CHODL: variants seen among roughly 807,000 people sequenced by gnomAD.
The protein encoded by CHODL is transmembrane protein MT75.
In CHODL, 29 loss-of-function variants were observed where a neutral mutation model predicts 34.5. The ratio of observed to expected loss-of-function variants is 0.84; its 90% CI spans 0.63 to 1.15. The LOEUF (loss-of-function observed/expected upper bound fraction) is 1.15, where lower values mean the gene tolerates loss of function less well. Among genes scored for constraint, CHODL ranks in the 50% most tolerant of loss-of-function variants. The probability of loss-of-function intolerance (pLI) is 0.00; values close to 1 mark genes in which losing one functional copy is unlikely to be tolerated. For synonymous variants in CHODL, 125 were observed against 116.1 expected (o/e 1.08, Z -0.49); for missense variants, 332 against 332.5 (o/e 1.00, Z 0.01).
chr21:18,131,284 G>A (rs1272306321), intron 2 of CHODL, among the ~76,000 whole-genome samples: 5 of 152,026 alleles, frequency 3.3e-5, no homozygotes, highest in Admixed American at 6.6e-5. Context: ...TACATACTGG[G>A]GGTTAGGGTC....
chr21:18,113,967 G>C (rs2065382109), intron 2 of CHODL, among the ~76,000 whole-genome samples: 1 of 152,172 alleles, frequency 6.6e-6, no homozygotes, highest in African/African-American at 2.4e-5. Context: ...GCCATGAAAA[G>C]AATGAGATCC....
At chr21:18,041,963 AT>A (rs920027592) in intron 2 of CHODL, among the ~76,000 whole-genome samples, 5 of 151,606 alleles carry the variant, frequency 3.3e-5, no homozygotes, top group African/African-American at 7.3e-5. Flanking sequence ...AGCTGAATAT[AT>A]TTTTTTTAAT....
At chr21:18,057,999 C>T (rs974847076) in intron 2 of CHODL, among the ~76,000 whole-genome samples, 2 of 152,000 alleles carry the variant, frequency 1.3e-5, no homozygotes, top group African/African-American at 2.4e-5. Context: ...TCTTGTCTAG[C>T]TATTTGGAAA....
chr21:18,153,560 A>T (rs2072997333), intron 2 of CHODL, among the ~76,000 whole-genome samples: 1 of 151,852 alleles, frequency 6.6e-6, no homozygotes, highest in Non-Finnish European at 1.5e-5. Flanking sequence ...AAGGACTTAC[A>T]TGATTATATC....
chr21:18,036,762 T>G (rs1474129828), intron 2 of CHODL, among the ~76,000 whole-genome samples: 1 of 151,976 alleles, frequency 6.6e-6, no homozygotes. Flanking sequence ...TAAACTTTTT[T>G]TTGATTTGGG....
At chr21:17,927,413 T>TGG (rs1462754097) in intron 1 of CHODL, among the ~76,000 whole-genome samples, 2 of 152,120 alleles carry the variant, frequency 1.3e-5, no homozygotes, top group Admixed American at 1.3e-4. Context: ...TACGTGCTGT[T>TGG]CTTATATTTA....
At chr21:18,020,300 GA>G (rs1169062888) in intron 1 of CHODL, among the ~76,000 whole-genome samples, 1 of 152,108 alleles carries the variant, frequency 6.6e-6, no homozygotes, top group Non-Finnish European at 1.5e-5. Context: ...AAATTAATAT[GA>G]AAAATTGTAG....
At chr21:18,031,151 T>A (rs157739) in intron 2 of CHODL, among the ~76,000 whole-genome samples, 1 of 151,846 alleles carries the variant, frequency 6.6e-6, no homozygotes, top group Non-Finnish European at 1.5e-5. Flanking sequence ...TAGGAAGATG[T>A]GAAGCCCCTG....
rs12482866 is a variant in CHODL, at chr21:18,175,554, T to C, written c.-44-80955T>C. On this transcript the variant is annotated intron_variant, in intron 2 of 6. Coordinates refer to the CHODL transcript ENST00000400127. Reference sequence around the variant, plus strand: ...GTTGCAGTGAGCCGAGATGGCGCCATTGCACTCCAGCCCGGGCGACAGTGC... The same window carrying C: ...GTTGCAGTGAGCCGAGATGGCGCCACTGCACTCCAGCCCGGGCGACAGTGC... Among the ~76,000 whole-genome samples the C allele has an allele frequency of 5.3e-3, 795 of 151,204 alleles. 17 individuals are homozygous for C. The highest frequency in any genetic ancestry group is 0.048 in the East Asian group (247 of 5,112).
At chr21:17,993,845 T>G (rs1404794546) in intron 1 of CHODL, among the ~76,000 whole-genome samples, 2 of 152,230 alleles carry the variant, frequency 1.3e-5, no homozygotes, top group Non-Finnish European at 2.9e-5. Flanking sequence ...CAGTGTATGA[T>G]CATTCCTCTT....
At chr21:18,064,837 T>A (rs1376315533) in intron 2 of CHODL, among the ~76,000 whole-genome samples, 1 of 152,208 alleles carries the variant, frequency 6.6e-6, no homozygotes, top group African/African-American at 2.4e-5. Flanking sequence ...ATAGGTTCTG[T>A]TTCTCTGGAT....
chr21:18,075,481 A>G lies in CHODL; in HGVS notation c.-45+47510A>G, dbSNP rs576036981. ...TCAGACACTCTTGGATTGACCCTTC[A>G]TCACCACTCCTTACTACCTATGGGA... On this transcript the variant is annotated intron_variant, in intron 2 of 6. Transcript: ENST00000400127. Among the ~76,000 whole-genome samples, 5 of 152,242 alleles carry G rather than the reference A, an allele frequency of 3.3e-5. No homozygotes were observed. In the South Asian group the frequency reaches 8.3e-4, roughly 25 times the overall value.
chr21:18,061,013 C>G (rs79648908), intron 2 of CHODL, among the ~76,000 whole-genome samples: 4,946 of 152,220 alleles, frequency 0.032, 271 homozygotes, highest in African/African-American at 0.11. Context: ...ACTATAATGA[C>G]CAAAAGAAGT....
intron 2 of CHODL, among the ~76,000 whole-genome samples, chr21:18,112,687 G>A (rs1375278904): frequency 6.6e-6 from 1 of 152,162 alleles, no homozygotes; most frequent in Admixed American, 6.5e-5. Flanking sequence ...TTTGATAAAT[G>A]GTGCTGGGAA....
intron 2 of CHODL, among the ~76,000 whole-genome samples, chr21:18,044,741 A>G (rs936801226): frequency 8.6e-5 from 13 of 151,904 alleles, no homozygotes; most frequent in African/African-American, 3.1e-4. Flanking sequence ...TTGAGATTGT[A>G]TCCTGGTCCT....
At chr21:18,150,871 G>A (rs1168162635) in intron 2 of CHODL, among the ~76,000 whole-genome samples, 1 of 151,988 alleles carries the variant, frequency 6.6e-6, no homozygotes, top group Non-Finnish European at 1.5e-5. Context: ...GGATCATGAG[G>A]TCAGGAGTTC....
At chr21:18,000,626 G>A (rs914574094) in intron 1 of CHODL, among the ~76,000 whole-genome samples, 9 of 152,054 alleles carry the variant, frequency 5.9e-5, no homozygotes, top group South Asian at 4.2e-4. Context: ...TTAGTTCTTC[G>A]TCTCTTGTGA....
intron 1 of CHODL, among the ~76,000 whole-genome samples, chr21:17,983,964 T>A (rs1344851613): frequency 6.6e-6 from 1 of 152,124 alleles, no homozygotes; most frequent in East Asian, 1.9e-4. Flanking sequence ...TCTTAACAAA[T>A]TTTAAGTTGC....
chr21:17,919,934 C>T (rs113169944), intron 1 of CHODL, among the ~76,000 whole-genome samples: 1 of 152,148 alleles, frequency 6.6e-6, no homozygotes, highest in African/African-American at 2.4e-5. Context: ...AAAATGCTGC[C>T]AGCCTCTTTG....
Sources: gnomAD v4.1 joint callset for allele counts (sites outside exome capture counted in the v4.1 genomes callset) on GRCh38, gnomAD v4.1.1 for gene constraint, MANE v1.5 for transcripts, NCBI Gene and HGNC (gene_info 2026-07-23, HGNC 2026-07-21) for gene names.